The following MANF variants were observed in gnomAD, a reference collection of about 807,000 sequenced individuals.
The protein encoded by MANF is mesencephalic astrocyte derived neurotrophic factor, also known as mesencephalic astrocyte-derived neurotrophic factor.
Under a neutral mutation model 19.1 loss-of-function variants are expected in MANF, and 9 were observed. The observed-to-expected ratio is 0.47, with a 90% confidence interval of 0.28 to 0.82. MANF has a LOEUF of 0.82. MANF is among the 40% of genes least tolerant of loss of function. MANF has a pLI of 0.10. For synonymous variants in MANF, 89 were observed against 88.0 expected, an observed-to-expected ratio of 1.01 and a Z score of -0.06; for missense variants, 225 against 226.7, an observed-to-expected ratio of 0.99 and a Z score of 0.05.
Position 51,389,048 on chromosome 3 carries a change from A to G in MANF, c.508A>G (p.Lys170Glu), listed in dbSNP as rs782155721. 6.2e-7 allele frequency: 1 copy of G among 1,612,932 alleles called. No individual in the cohort carries two copies. Among genetic ancestry groups the G allele is most frequent in the Non-Finnish European group, 8.5e-7 (1 of 1,179,424 alleles). The change falls in exon 4 of 4, where the codon AAA becomes GAA. Residue 170 changes from lysine (K) to glutamate (E), a missense_variant. Physicochemically the swap from Lys to Glu is moderately conservative, Grantham distance 56 (BLOSUM62 1). Coordinates refer to ENST00000528157, the MANE Select transcript of MANF (RefSeq NM_006010.6). The stretch of plus-strand genomic sequence containing the variant: ...CCGGAAGATAAATGAACTGATGCCT[A>G]AATATGCCCCCAAGGCAGCCAGTGC... ...YIRKINELMP[K>E]YAPKAASART...
In MANF at chr3:51,389,158, T is replaced by C; in HGVS notation, c.*69T>C. ...ACTGCTTACTCCCAAAACAGCCTTTTTGTAATTTATTTTTTAAGTGGGCTC... is the reference window on the plus strand; with the variant it reads ...ACTGCTTACTCCCAAAACAGCCTTTCTGTAATTTATTTTTTAAGTGGGCTC... On this transcript the variant is annotated 3_prime_UTR_variant, in exon 4 of 4. Coordinates refer to ENST00000528157, the MANE Select transcript of MANF (RefSeq NM_006010.6). 2.1e-6 allele frequency: 3 copies of C among 1,407,094 alleles called. No homozygotes were observed. Among genetic ancestry groups the C allele is most frequent in the Non-Finnish European group, 2.9e-6 (3 of 1,029,370 alleles). The allele number at this position is 1,407,094 out of a possible 1,614,324, so 87.2% of individuals were successfully genotyped here. A position where few individuals can be genotyped will look rare whatever the true frequency, so the allele number is the denominator to read the frequency against.
intron 2 of MANF, among the ~76,000 whole-genome samples, chr3:51,387,499 G>A (rs2088973914): frequency 6.6e-6 from 1 of 152,038 alleles, no homozygotes; most frequent in Non-Finnish European, 1.5e-5. Context: ...GCTGGGTGTG[G>A]TGGCCCACAC....
Position 51,385,362 on chromosome 3 carries a change from C to T in MANF, c.20C>T (p.Thr7Met), listed in dbSNP as rs1239648060. The T allele has an allele frequency of 8.1e-7, 1 of 1,239,568 alleles. No homozygotes were observed. Among genetic ancestry groups the T allele is most frequent in the Non-Finnish European group, 1.0e-6 (1 of 989,638 alleles). 76.8% of individuals were successfully genotyped at this position (1,239,568 alleles called of 1,614,324 possible). The change falls in exon 1 of 4, where the codon ACG becomes ATG. Residue 7 changes from threonine (T) to methionine (M), a missense_variant. Transcript: ENST00000528157. Reference sequence around the variant, plus strand: ...AGGAGGATGAGGAGGATGTGGGCCACGCAGGGGCTGGCGGTGGCGCTGGCT... The same window carrying T: ...AGGAGGATGAGGAGGATGTGGGCCATGCAGGGGCTGGCGGTGGCGCTGGCT... MRRMWA[T>M]QGLAVALALS...
chr3:51,385,502 C>A, intron 1 of MANF, 66 bp downstream of exon 1: 1 of 842,994 alleles, frequency 1.2e-6, no homozygotes, highest in Non-Finnish European at 1.6e-6. Context: ...AACCCCACAA[C>A]ATCACCAGAC....
At chr3:51,387,981 T>C (rs1440732449) in intron 3 of MANF, 103 bp downstream of exon 3, 13 of 1,175,144 alleles carry the variant, frequency 1.1e-5, no homozygotes, top group Admixed American at 6.2e-5. Context: ...GTGGGTTGTA[T>C]TGTATGACAG....
intron 1 of MANF, chr3:51,385,767 G>T: frequency 3.4e-6 from 1 of 293,986 alleles, no homozygotes; most frequent in Non-Finnish European, 6.3e-6. Flanking sequence ...CTCCAGGGCT[G>T]GCCGTGGGTG....
rs1298207141 is a variant in MANF at position 51,388,898 on chromosome 3, C to T, written c.365-7C>T. 1.3e-5 allele frequency: 20 copies of T among 1,558,448 alleles called. No homozygotes were observed. The highest frequency in any genetic ancestry group is 1.7e-5 in the Non-Finnish European group (20 of 1,151,934). ...CAGTCAGTGACTCTCCCTGCTCTCT[C>T]CTCCAGACAAGCAGATCGACCTGAG... is the stretch of plus-strand genomic sequence containing the variant. On this transcript the variant is annotated splice_polypyrimidine_tract_variant and splice_region_variant and intron_variant, in intron 3 of 3. Transcript: ENST00000528157.
In MANF at chr3:51,388,917, A is replaced by C; in HGVS notation, c.377A>C (p.Asp126Ala). Residue 126 changes from aspartate to alanine, a missense_variant, in exon 4 of 4, where the codon GAC (aspartate) becomes GCC (alanine). Asp to Ala is a moderately radical substitution (Grantham distance 126). Transcript: ENST00000528157. ...ICELKYDKQI[D>A]LSTVDLKKLR... ...CTCTCTCCTCCAGACAAGCAGATCG[A>C]CCTGAGCACAGTGGACCTGAAGAAG... is the stretch of plus-strand genomic sequence containing the variant. The C allele has an allele frequency of 6.3e-7, 1 of 1,575,100 alleles. No homozygotes were observed. Among genetic ancestry groups the C allele is most frequent in the Non-Finnish European group, 8.6e-7 (1 of 1,160,490 alleles).
Position 51,389,086 on chromosome 3 carries a change from G to A in MANF, c.546G>A (p.Leu182=). ...AGGCAGCCAGTGCACGGACCGATTT[G>A]TAGTCTGCTCAATCTCTGTTGCACC... ...APKAASARTD[L] is the part of the protein sequence containing the mutation. Residue 182 remains leucine, a synonymous_variant, in exon 4 of 4, where the codon TTG becomes TTA. Transcript: ENST00000528157. 2 of 1,610,962 alleles carry A rather than the reference G, an allele frequency of 1.2e-6. No individual in the cohort carries two copies. Among genetic ancestry groups the A allele is most frequent in the Non-Finnish European group, 1.7e-6 (2 of 1,178,728 alleles).
At chr3:51,386,790 A>C (rs2088966254) in intron 2 of MANF, 3 of 443,364 alleles carry the variant, frequency 6.8e-6, no homozygotes, top group African/African-American at 4.0e-5. Context: ...GGACAGGAGA[A>C]GGTGACAGGG....
intron 1 of MANF, 61 bp downstream of exon 1, chr3:51,385,497 C>G: frequency 1.1e-6 from 1 of 910,512 alleles, no homozygotes; most frequent in Non-Finnish European, 1.4e-6. Context: ...CGCTGAACCC[C>G]ACAACATCAC....
intron 2 of MANF, 133 bp downstream of exon 2, chr3:51,386,468 A>G: frequency 1.0e-6 from 1 of 954,824 alleles, no homozygotes; most frequent in Non-Finnish European, 1.6e-6. Flanking sequence ...CTAATGTGAG[A>G]AGACTGAAGT....
chr3:51,386,533 T>A (rs1444265708), intron 2 of MANF, among the ~76,000 whole-genome samples, 198 bp downstream of exon 2: 4 of 152,248 alleles, frequency 2.6e-5, no homozygotes, highest in Admixed American at 2.6e-4. Flanking sequence ...TTTTTTTTTA[T>A]CCTGTTAGTC....
rs782495362 is a variant in MANF, at chr3:51,388,976, G to T, written c.436G>T (p.Asp146Tyr). The change falls in exon 4 of 4, where the codon GAC becomes TAC. Residue 146 changes from aspartate (D) to tyrosine (Y), a missense_variant. Asp to Tyr is a radical substitution (Grantham distance 160). Coordinates refer to ENST00000528157, the MANE Select transcript of MANF (RefSeq NM_006010.6). ...TAAAGAGCTGAAGAAGATTCTGGAT[G>T]ACTGGGGGGAGACATGCAAAGGCTG... ...RVKELKKILDDWGETCKGCAE... is the reference protein window; with the variant it reads ...RVKELKKILDYWGETCKGCAE... 1.2e-6 allele frequency: 2 copies of T among 1,604,672 alleles called. No homozygotes were observed. Among genetic ancestry groups the T allele is most frequent in the Non-Finnish European group, 1.7e-6 (2 of 1,175,284 alleles).
At position 51,389,359 on chromosome 3, in the gene MANF, G is replaced by A. The variant is rs979622847; in HGVS notation, c.*270G>A. The A allele has an allele frequency of 1.4e-4, 56 of 390,250 alleles. No homozygotes were observed. The highest frequency in any genetic ancestry group is 2.4e-4 in the Non-Finnish European group (54 of 220,652). 24.2% of individuals were successfully genotyped at this position (390,250 alleles called of 1,614,324 possible). A position where few individuals can be genotyped will look rare whatever the true frequency, so the allele number is the denominator to read the frequency against. On this transcript the variant is annotated 3_prime_UTR_variant, in exon 4 of 4. Transcript: ENST00000528157. Reference sequence around the variant, plus strand: ...TTCTAGCTGTCCTTGCAGAATTATAGTGAATACCAAAATGGGGTTTTGCCC... The same window carrying A: ...TTCTAGCTGTCCTTGCAGAATTATAATGAATACCAAAATGGGGTTTTGCCC...
chr3:51,385,987 T>C, intron 1 of MANF: 1 of 564,566 alleles, frequency 1.8e-6, no homozygotes, highest in South Asian at 2.1e-5. Context: ...GGTCATTGGG[T>C]GATGCTTGGT....
intron 2 of MANF, 99 bp from the exon 3 acceptor site, chr3:51,387,638 G>C (rs1553621038): frequency 8.4e-7 from 1 of 1,191,112 alleles, no homozygotes; most frequent in Non-Finnish European, 1.2e-6. Context: ...CAAAACACAA[G>C]TAAGGCCCTA....
Position 51,389,298 on chromosome 3 carries a change from A to G in MANF, c.*209A>G, listed in dbSNP as rs1577017490. The G allele has an allele frequency of 2.1e-6, 1 of 482,586 alleles. No individual in the cohort carries two copies. The highest frequency in any genetic ancestry group is 3.6e-5 in the East Asian group (1 of 28,132). The allele number at this position is 482,586 out of a possible 1,614,324, so 29.9% of individuals were successfully genotyped here. A position where few individuals can be genotyped will look rare whatever the true frequency, so the allele number is the denominator to read the frequency against. On this transcript the variant is annotated 3_prime_UTR_variant, in exon 4 of 4. Coordinates refer to ENST00000528157, the MANE Select transcript of MANF (RefSeq NM_006010.6). ...TTGCTGGTGTACTCTAGGACTTCAA[A>G]GTGTGTCTGGGATTTTTTTATTAAA...
chr3:51,385,829 T>C (rs2088949435), intron 1 of MANF: 1 of 276,686 alleles, frequency 3.6e-6, no homozygotes, highest in African/African-American at 2.2e-5. Flanking sequence ...TCCGCTGTTG[T>C]ATTTGGAAAT....
Sources: gnomAD v4.1 joint callset for allele counts (sites outside exome capture counted in the v4.1 genomes callset) on GRCh38, gnomAD v4.1.1 for gene constraint, MANE v1.5 for transcripts, NCBI Gene and HGNC (gene_info 2026-07-23, HGNC 2026-07-21) for gene names.